SNRK: variants seen among roughly 807,000 people sequenced by gnomAD.
The protein encoded by SNRK is SNF-related serine/threonine-protein kinase.
A neutral mutation model predicts 48.2 loss-of-function variants in SNRK; 3 were observed. The observed-to-expected ratio is 0.06, with a 90% CI of 0.03 to 0.16. The LOEUF is 0.16. Among genes scored for constraint, SNRK ranks in the 10% least tolerant of loss-of-function variants. SNRK has a pLI of 1.00. For synonymous variants in SNRK, 376 were observed against 366.1 expected, an observed-to-expected ratio of 1.03 and a Z score of -0.31; for missense variants, 627 against 976.0, an observed-to-expected ratio of 0.64 and a Z score of 4.76.
chr3:43,298,259 T>C (rs1160703888), intron 1 of SNRK, among the ~76,000 whole-genome samples: 1 of 152,204 alleles, frequency 6.6e-6, no homozygotes, highest in Non-Finnish European at 1.5e-5. Context: ...AATGCAGTTG[T>C]TGGTCTTTAG....
intron 3 of SNRK, among the ~76,000 whole-genome samples, chr3:43,322,072 G>A (rs957598904): frequency 1.3e-5 from 2 of 152,226 alleles, no homozygotes; most frequent in Non-Finnish European, 2.9e-5. Flanking sequence ...GTGGCTTTTT[G>A]GCATAGAGAC....
intron 3 of SNRK, among the ~76,000 whole-genome samples, chr3:43,320,863 A>G (rs577507902): frequency 5.9e-5 from 9 of 151,548 alleles, no homozygotes; most frequent in African/African-American, 1.5e-4. Flanking sequence ...AGGGCTCTTC[A>G]TGACTTTGAA....
chr3:43,338,208 C>T (rs1001145743), intron 4 of SNRK, among the ~76,000 whole-genome samples: 2 of 152,204 alleles, frequency 1.3e-5, no homozygotes, highest in Non-Finnish European at 2.9e-5. Context: ...ACTGTTTACC[C>T]TTCCAAGTGG....
intron 3 of SNRK, among the ~76,000 whole-genome samples, chr3:43,326,280 G>T (rs1017058363): frequency 2.0e-5 from 3 of 151,222 alleles, no homozygotes; most frequent in Non-Finnish European, 3.0e-5. Context: ...CTTTGTGTAT[G>T]TGTGTGTGTG....
At chr3:43,309,071 A>C (rs1161903754) in intron 3 of SNRK, among the ~76,000 whole-genome samples, 6 of 152,228 alleles carry the variant, frequency 3.9e-5, no homozygotes, top group Admixed American at 3.9e-4. Flanking sequence ...GGGAGCCTGA[A>C]GATATGATTG....
chr3:43,335,677 A>AT (rs1300883994), intron 4 of SNRK, among the ~76,000 whole-genome samples: 1 of 152,016 alleles, frequency 6.6e-6, no homozygotes, highest in Non-Finnish European at 1.5e-5. Context: ...TTCCACTGTG[A>AT]TGGTGGATTT....
At chr3:43,300,834 A>G (rs1469299253) in intron 2 of SNRK, among the ~76,000 whole-genome samples, 1 of 152,158 alleles carries the variant, frequency 6.6e-6, no homozygotes, top group Non-Finnish European at 1.5e-5. Context: ...TAAAAATCTT[A>G]ATAGTTTAAA....
At chr3:43,290,347 C>T (rs2090801586) in intron 1 of SNRK, among the ~76,000 whole-genome samples, 1 of 152,196 alleles carries the variant, frequency 6.6e-6, no homozygotes, top group Non-Finnish European at 1.5e-5. Context: ...GTTTTTCAAT[C>T]ATACAATTTT....
rs1306378767 is a variant in SNRK, at chr3:43,348,308, T to C, written c.2049T>C (p.Ser683=). The C allele has an allele frequency of 1.2e-6, 2 of 1,613,666 alleles. No homozygotes were observed. Among genetic ancestry groups the C allele is most frequent in the Non-Finnish European group, 1.7e-6 (2 of 1,179,814 alleles). ...SFSSVKVQEK[S]TWKMCISSTG... is the part of the protein sequence containing the mutation. ...CCAGTGTGAAAGTCCAAGAGAAATCTACGTGGAAAATGTGCATTAGCTCCA... is the reference window on the plus strand; with the variant it reads ...CCAGTGTGAAAGTCCAAGAGAAATCCACGTGGAAAATGTGCATTAGCTCCA... The change falls in exon 7 of 7, where the codon TCT becomes TCC. Residue 683 remains serine, a synonymous_variant. Transcript: ENST00000296088.
intron 4 of SNRK, among the ~76,000 whole-genome samples, chr3:43,337,122 C>A (rs1010637180): frequency 6.6e-6 from 1 of 151,092 alleles, no homozygotes; most frequent in Admixed American, 6.6e-5. Context: ...CGCCCAGGCT[C>A]GAGTGCAGTG....
chr3:43,323,662 C>CT lies in SNRK; in HGVS notation c.590-8500dup, dbSNP rs554963944. On this transcript the variant is annotated intron_variant, in intron 3 of 6. Transcript: ENST00000296088. ...ATGTTTATACAAAAGCCTGTACACA[C>CT]TTTTTTTGTGACTTTATTCATAACT... Among the ~76,000 whole-genome samples, 24 of 152,276 alleles carry CT rather than the reference C, an allele frequency of 1.6e-4. No individual in the cohort carries two copies. The East Asian group carries it at 4.0e-3, about 26-fold the overall frequency.
intron 3 of SNRK, among the ~76,000 whole-genome samples, chr3:43,316,469 T>A (rs1335962992): frequency 6.6e-6 from 1 of 152,194 alleles, no homozygotes; most frequent in Non-Finnish European, 1.5e-5. Context: ...CCTTGCCTAC[T>A]GCTGATTTTA....
chr3:43,309,996 G>A (rs2090967575), intron 3 of SNRK, among the ~76,000 whole-genome samples: 1 of 151,808 alleles, frequency 6.6e-6, no homozygotes. Context: ...AATAGACTAC[G>A]GTATAGTATA....
At chr3:43,295,492 G>A (rs1246741482) in intron 1 of SNRK, among the ~76,000 whole-genome samples, 3 of 152,134 alleles carry the variant, frequency 2.0e-5, no homozygotes, top group African/African-American at 7.2e-5. Flanking sequence ...ACAAATTGCT[G>A]GAAAGAACAT....
Position 43,347,421 on chromosome 3 carries a change from C to G in SNRK, c.1162C>G (p.Pro388Ala). The change falls in exon 7 of 7, where the codon CCT becomes GCT. Residue 388 changes from proline (P) to alanine (A), a missense_variant. Around this residue, in one of 4 missense-constraint regions of SNRK, gnomAD observed 175 missense variants for 209.7 expected, o/e 0.83. Coordinates refer to ENST00000296088, the MANE Select transcript of SNRK (RefSeq NM_017719.5). The surrounding 1 kb of genome is among the most constrained non-coding windows in gnomAD (Gnocchi z 5.4). ...CACTCCTTTGTCCCACGCGACTGTC[C>G]CTCAGTCTCCTGCTCGGGCTGCTGA... ...TATPLSHATV[P>A]QSPARAADSV... 6.2e-7 allele frequency: 1 copy of G among 1,613,966 alleles called. No individual in the cohort carries two copies. The highest frequency in any genetic ancestry group is 1.3e-5 in the African/African-American group (1 of 75,016).
intron 6 of SNRK, among the ~76,000 whole-genome samples, chr3:43,344,561 G>A (rs926091595): frequency 6.6e-6 from 1 of 152,124 alleles, no homozygotes; most frequent in Non-Finnish European, 1.5e-5. Context: ...GCAGAGTAGG[G>A]GGAGGAAAAC....
At chr3:43,331,673 C>T (rs2091147540) in intron 3 of SNRK, among the ~76,000 whole-genome samples, 1 of 152,038 alleles carries the variant, frequency 6.6e-6, no homozygotes, top group Admixed American at 6.6e-5. Context: ...ATGTTTCTTT[C>T]CTCCTTGAGC....
chr3:43,300,068 T>C (rs1295068602), intron 2 of SNRK, among the ~76,000 whole-genome samples: 1 of 152,226 alleles, frequency 6.6e-6, no homozygotes, highest in Non-Finnish European at 1.5e-5. Flanking sequence ...TGTCCTGTTC[T>C]TAGCTATACA....
intron 3 of SNRK, among the ~76,000 whole-genome samples, chr3:43,310,819 TG>T (rs1421508682): frequency 1.3e-5 from 2 of 152,188 alleles, no homozygotes; most frequent in East Asian, 3.9e-4. Flanking sequence ...GAGCATATTT[TG>T]TTTTTTTTAT....
Sources: allele counts gnomAD v4.1 joint callset (sites outside exome capture counted in the v4.1 genomes callset), GRCh38; gene constraint gnomAD v4.1.1; regional missense constraint gnomAD v4.1.1; non-coding constraint Gnocchi (gnomAD v3.1); transcripts MANE v1.5; gene names NCBI Gene and HGNC (gene_info 2026-07-23, HGNC 2026-07-21).